Variants in PCDHGB6 observed in about 807,000 individuals in gnomAD.
The protein encoded by PCDHGB6 is protocadherin gamma subfamily B, 6.
PCDHGB6 carries 51 observed loss-of-function variants against 59.1 expected under a neutral mutation model. The observed-to-expected ratio is 0.86, with a 90% confidence interval of 0.69 to 1.09. The LOEUF (loss-of-function observed/expected upper bound fraction) is 1.09. PCDHGB6 is among the 50% of genes least tolerant of loss of function. The pLI is 0.00. For synonymous variants in PCDHGB6, 466 were observed against 495.1 expected, an observed-to-expected ratio of 0.94 and a Z score of 0.78; for missense variants, 1,148 against 1,205.1, an observed-to-expected ratio of 0.95 and a Z score of 0.70.
chr5:141,485,577 G>A lies in PCDHGB6; in HGVS notation c.2419-9230G>A. Reference sequence around the variant, plus strand: ...AATGATCACGCCCCCCGTTTTCCGCGGCAGCAGCTGGACTTGGAAATTGGG... The same window carrying A: ...AATGATCACGCCCCCCGTTTTCCGCAGCAGCAGCTGGACTTGGAAATTGGG... On this transcript the variant is annotated intron_variant, in intron 1 of 3. Transcript: ENST00000520790. This position sits in a 1 kb window ranked among gnomAD's most constrained non-coding sequence, Gnocchi z 5.7. 2 of 1,612,500 alleles carry A rather than the reference G, an allele frequency of 1.2e-6. No individual in the cohort carries two copies. Among genetic ancestry groups the A allele is most frequent in the Non-Finnish European group, 8.5e-7 (1 of 1,178,676 alleles).
chr5:141,505,348 G>C, intron 2 of PCDHGB6, 45 bp from the exon 3 acceptor site: 1 of 1,613,358 alleles, frequency 6.2e-7, no homozygotes, highest in Non-Finnish European at 8.5e-7. Flanking sequence ...GGCATGAGCT[G>C]TGCCGGCCTG....
chr5:141,471,112 G>A (rs1442344944), intron 1 of PCDHGB6, among the ~76,000 whole-genome samples: 3 of 147,914 alleles, frequency 2.0e-5, no homozygotes, highest in Non-Finnish European at 4.4e-5. Flanking sequence ...GCAGTGGTGC[G>A]ATCTTACCTT....
intron 1 of PCDHGB6, among the ~76,000 whole-genome samples, chr5:141,464,155 C>T (rs2099076990): frequency 1.3e-5 from 2 of 151,614 alleles, no homozygotes; most frequent in African/African-American, 4.8e-5. Flanking sequence ...GTCCCAGCTA[C>T]TTGGAAGGCT....
At chr5:141,445,109 T>C (rs571834974) in intron 1 of PCDHGB6, among the ~76,000 whole-genome samples, 23 of 152,246 alleles carry the variant, frequency 1.5e-4, no homozygotes, top group Non-Finnish European at 2.8e-4. Flanking sequence ...TCTAATGTTA[T>C]TGTAAATAGT....
chr5:141,419,579 C>G (rs759041306), intron 1 of PCDHGB6: 11 of 1,611,812 alleles, frequency 6.8e-6, no homozygotes, highest in Non-Finnish European at 9.3e-6. Flanking sequence ...CGGCTCCGCG[C>G]TCTTCGACAC....
intron 1 of PCDHGB6, among the ~76,000 whole-genome samples, chr5:141,456,187 A>G (rs989106132): frequency 3.9e-5 from 6 of 152,084 alleles, no homozygotes; most frequent in African/African-American, 1.4e-4. Flanking sequence ...TAATTTCTTA[A>G]TAACTCCTAC....
At chr5:141,434,535 A>G (rs939961995) in intron 1 of PCDHGB6, among the ~76,000 whole-genome samples, 1 of 152,230 alleles carries the variant, frequency 6.6e-6, no homozygotes, top group African/African-American at 2.4e-5. Flanking sequence ...ACCACAAACA[A>G]TAGCATGAGT....
intron 1 of PCDHGB6, chr5:141,478,841 A>G (rs1335486924): frequency 1.4e-5 from 19 of 1,405,590 alleles, no homozygotes; most frequent in Non-Finnish European, 1.8e-5. Flanking sequence ...GGGATGGTTA[A>G]GCTAAAACAC....
intron 2 of PCDHGB6, among the ~76,000 whole-genome samples, chr5:141,497,175 A>T (rs2154592067): frequency 6.7e-6 from 1 of 150,262 alleles, no homozygotes; most frequent in East Asian, 1.9e-4. Context: ...AAATCACAGT[A>T]AGTTCTGAGA....
At chr5:141,423,669 T>C in intron 1 of PCDHGB6, 1 of 1,554,480 alleles carries the variant, frequency 6.4e-7, no homozygotes, top group Non-Finnish European at 8.7e-7. Flanking sequence ...AGGTGAGATT[T>C]ATTTCTCTGC....
rs530001704 is a variant in PCDHGB6, at chr5:141,434,708, ATC to A, written c.2418+24092_2418+24093del. 3.9e-3 allele frequency among the ~76,000 whole-genome samples: 589 copies of A among 152,052 alleles called. 6 individuals are homozygous for A. The highest frequency in any genetic ancestry group is 0.011 in the Admixed American group (170 of 15,250). ...TTGCTGTTAATAAATATGTGGGTAA[ATC>A]TCTGTTCAGGGCTCTCAGCTCTGAA... On this transcript the variant is annotated intron_variant, in intron 1 of 3. Coordinates refer to ENST00000520790, the MANE Select transcript of PCDHGB6 (RefSeq NM_018926.3).
intron 2 of PCDHGB6, among the ~76,000 whole-genome samples, chr5:141,499,937 C>T (rs1257575594): frequency 6.6e-6 from 1 of 152,082 alleles, no homozygotes; most frequent in Non-Finnish European, 1.5e-5. Context: ...ATCCACCCTC[C>T]TCGGCCTCCC....
intron 1 of PCDHGB6, chr5:141,420,280 T>C: frequency 6.6e-7 from 1 of 1,513,274 alleles, no homozygotes; most frequent in Non-Finnish European, 8.9e-7. Context: ...AACAGGTAAG[T>C]ATTTAAAAAT....
chr5:141,434,877 C>A (rs1266355299), intron 1 of PCDHGB6, among the ~76,000 whole-genome samples: 1 of 151,612 alleles, frequency 6.6e-6, no homozygotes, highest in Non-Finnish European at 1.5e-5. Flanking sequence ...TGACAGATAC[C>A]AACAACAATC....
intron 1 of PCDHGB6, chr5:141,430,857 A>C (rs748992376): frequency 1.9e-6 from 3 of 1,591,316 alleles, no homozygotes; most frequent in Non-Finnish European, 2.6e-6. Flanking sequence ...CAGATACGCT[A>C]TTCAGTTCCG....
intron 1 of PCDHGB6, among the ~76,000 whole-genome samples, chr5:141,455,408 G>A (rs1024760282): frequency 6.6e-6 from 1 of 152,150 alleles, no homozygotes; most frequent in Non-Finnish European, 1.5e-5. Context: ...TACAGAGACA[G>A]AGGGAGCGGG....
chr5:141,469,505 G>T (rs2099202987), intron 1 of PCDHGB6, among the ~76,000 whole-genome samples: 1 of 152,138 alleles, frequency 6.6e-6, no homozygotes. Flanking sequence ...AACCCGGGAG[G>T]TGGAGGTTGC....
intron 1 of PCDHGB6, chr5:141,416,753 G>A (rs1168212796): frequency 1.3e-5 from 2 of 152,154 alleles, no homozygotes; most frequent in Non-Finnish European, 2.9e-5. Context: ...GACGTATTAG[G>A]TAGATCTCTT....
At position 141,487,267 on chromosome 5, in the gene PCDHGB6, G is replaced by A; in HGVS notation, c.2419-7540G>A. 3 of 1,614,134 alleles carry A rather than the reference G, an allele frequency of 1.9e-6. No individual in the cohort carries two copies. The highest frequency in any genetic ancestry group is 2.5e-6 in the Non-Finnish European group (3 of 1,180,024). ...CCCTCTACTTGGCTGTGTCCCTAGT[G>A]GCAATTTGCTTTGTCTCCTTTGGCT... is the stretch of plus-strand genomic sequence containing the variant. On this transcript the variant is annotated intron_variant, in intron 1 of 3. Transcript: ENST00000520790. The surrounding 1 kb of genome is among the most constrained non-coding windows in gnomAD (Gnocchi z 5.0).
Sources: allele counts gnomAD v4.1 joint callset (sites outside exome capture counted in the v4.1 genomes callset), GRCh38; gene constraint gnomAD v4.1.1; non-coding constraint Gnocchi (gnomAD v3.1); transcripts MANE v1.5; gene names NCBI Gene and HGNC (gene_info 2026-07-23, HGNC 2026-07-21).